KCNK12: variants seen among roughly 807,000 people sequenced by gnomAD.
KCNK12 encodes the protein potassium channel subfamily K member 12.
In KCNK12, 6 loss-of-function variants were observed where a neutral mutation model predicts 25.3. The ratio of observed to expected loss-of-function variants is 0.24; its 90% CI spans 0.13 to 0.47. KCNK12 has a LOEUF of 0.47. Among genes scored for constraint, KCNK12 ranks in the 20% least tolerant of loss-of-function variants. The probability of loss-of-function intolerance (pLI) is 0.99; values close to 1 mark genes in which losing one functional copy is unlikely to be tolerated. For synonymous variants in KCNK12, 331 were observed against 311.1 expected (o/e 1.06, Z -0.67); for missense variants, 444 against 661.7 (o/e 0.67, Z 3.61).
chr2:47,528,688 G>A lies in KCNK12; in HGVS notation c.392-6880C>T, dbSNP rs959566332. Among the ~76,000 whole-genome samples, 21 of 152,238 alleles carry A rather than the reference G, an allele frequency of 1.4e-4. No individual in the cohort carries two copies. The highest frequency in any genetic ancestry group is 1.9e-4 in the East Asian group (1 of 5,200). On this transcript the variant is annotated intron_variant, in intron 1 of 1. Transcript: ENST00000327876. The surrounding 1 kb of genome is among the most constrained non-coding windows in gnomAD (Gnocchi z 4.5). ...ATGCCACAATTGATCTGCCATCCCA[G>A]TTTGCAAAGAGCAGACACTTGGGGG...
rs1243884924 is a variant in KCNK12 at position 47,570,402 on chromosome 2, A to C, written c.-71T>G. On this transcript the variant is annotated 5_prime_UTR_variant, in exon 1 of 2. Coordinates refer to ENST00000327876, the MANE Select transcript of KCNK12 (RefSeq NM_022055.2). ...GCCACGACATCCCCCCGGCGGGAGC[A>C]GGAGCGTGAGGATGGTGGCCAGGGG... The C allele has an allele frequency of 1.7e-6, 2 of 1,203,430 alleles. No individual in the cohort carries two copies. The highest frequency in any genetic ancestry group is 3.2e-5 in the African/African-American group (2 of 62,642). 74.5% of individuals were successfully genotyped at this position (1,203,430 alleles called of 1,614,324 possible).
chr2:47,536,710 G>A (rs1669076311), intron 1 of KCNK12, among the ~76,000 whole-genome samples: 1 of 152,278 alleles, frequency 6.6e-6, no homozygotes, highest in African/African-American at 2.4e-5. Context: ...TATCAAAGAG[G>A]GCTAATTCTA....
intron 1 of KCNK12, among the ~76,000 whole-genome samples, chr2:47,539,786 T>G (rs1267683145): frequency 1.3e-5 from 2 of 152,164 alleles, no homozygotes; most frequent in Non-Finnish European, 2.9e-5. Flanking sequence ...GGGTGGCTGC[T>G]GTTAAAGCCG....
intron 1 of KCNK12, among the ~76,000 whole-genome samples, chr2:47,558,631 G>A (rs968625157): frequency 3.3e-5 from 5 of 152,212 alleles, no homozygotes; most frequent in African/African-American, 9.6e-5. Flanking sequence ...GCTCACACGA[G>A]GCGCTCAGAA....
rs1668858723 is a variant in KCNK12 at position 47,528,987 on chromosome 2, G to C, written c.392-7179C>G. ...ATGCAGGCAAGGAAATGGGCTGAGGGAGGGGAAGCATTCACTGAAGTTAGT... is the reference window on the plus strand; with the variant it reads ...ATGCAGGCAAGGAAATGGGCTGAGGCAGGGGAAGCATTCACTGAAGTTAGT... On this transcript the variant is annotated intron_variant, in intron 1 of 1. Transcript: ENST00000327876. This position sits in a 1 kb window ranked among gnomAD's most constrained non-coding sequence, Gnocchi z 4.5. 1 of 152,292 alleles carries C rather than the reference G, an allele frequency of 6.6e-6. No individual in the cohort carries two copies. The highest frequency in any genetic ancestry group is 2.1e-4 in the South Asian group (1 of 4,834). The allele number at this position is 152,292 out of a possible 1,614,324, so 9.4% of individuals were successfully genotyped here. A position where few individuals can be genotyped will look rare whatever the true frequency, so the allele number is the denominator to read the frequency against.
Position 47,557,262 on chromosome 2 carries a change from T to C in KCNK12, c.391+12679A>G, listed in dbSNP as rs549495567. 3.9e-5 allele frequency among the ~76,000 whole-genome samples: 6 copies of C among 152,254 alleles called. No homozygotes were observed. Among genetic ancestry groups the C allele is most frequent in the African/African-American group, 1.4e-4 (6 of 41,544 alleles). ...TTAATGTCATCATCACTGGAGTGGG[T>C]TGGTTATTGCGGGAGTGGGCTCCTG... is the stretch of plus-strand genomic sequence containing the variant. On this transcript the variant is annotated intron_variant, in intron 1 of 1. Transcript: ENST00000327876. This position sits in a 1 kb window ranked among gnomAD's most constrained non-coding sequence, Gnocchi z 4.9.
At chr2:47,542,349 A>G (rs1030445515) in intron 1 of KCNK12, among the ~76,000 whole-genome samples, 1 of 152,242 alleles carries the variant, frequency 6.6e-6, no homozygotes, top group Non-Finnish European at 1.5e-5. Flanking sequence ...GAGCCTTCGC[A>G]AACAAGTCAC....
In KCNK12 at chr2:47,570,968, G is replaced by A. The variant is rs1342211064; in HGVS notation, c.-637C>T. 6.6e-6 allele frequency: 1 copy of A among 152,240 alleles called. No homozygotes were observed. Among genetic ancestry groups the A allele is most frequent in the Non-Finnish European group, 1.5e-5 (1 of 68,092 alleles). 9.4% of individuals were successfully genotyped at this position (152,240 alleles called of 1,614,324 possible). ...GCTCCAGCCGAAGAGCCGCCCGGCA[G>A]GGAGAGGCGGAGTCACTGGCGCCCG... On this transcript the variant is annotated 5_prime_UTR_variant, in exon 1 of 2. Coordinates refer to ENST00000327876, the MANE Select transcript of KCNK12 (RefSeq NM_022055.2).
Position 47,515,410 on chromosome 2 carries a change from G to A in KCNK12, c.*5497C>T, listed in dbSNP as rs958495360. On this transcript the variant is annotated 3_prime_UTR_variant, in exon 2 of 2. Coordinates refer to ENST00000327876, the MANE Select transcript of KCNK12 (RefSeq NM_022055.2). ...TTACATCCTACTGCTTAAGGTCATCGCCAAAATCTGATTTTTTACACAAAA... is the reference window on the plus strand; with the variant it reads ...TTACATCCTACTGCTTAAGGTCATCACCAAAATCTGATTTTTTACACAAAA... Among the ~76,000 whole-genome samples the A allele has an allele frequency of 1.1e-4, 16 of 152,280 alleles. No homozygotes were observed. Among genetic ancestry groups the A allele is most frequent in the African/African-American group, 3.9e-4 (16 of 41,556 alleles).
chr2:47,530,244 C>T (rs573049472), intron 1 of KCNK12, among the ~76,000 whole-genome samples: 5 of 152,274 alleles, frequency 3.3e-5, no homozygotes, highest in African/African-American at 4.8e-5. Context: ...CAGCCTGCTC[C>T]GTGGCTGGAA....
In KCNK12 at chr2:47,562,702, T is replaced by G. The variant is rs1669705362; in HGVS notation, c.391+7239A>C. 8.6e-6 allele frequency: 2 copies of G among 233,156 alleles called. No individual in the cohort carries two copies. The highest frequency in any genetic ancestry group is 1.8e-4 in the South Asian group (1 of 5,532). The allele number at this position is 233,156 out of a possible 1,614,324, so 14.4% of individuals were successfully genotyped here. ...AGCCAAGGGGCTTCAGTACCCTTCT[T>G]CATTCTCTACCAGCACCTCCCCAAC... On this transcript the variant is annotated intron_variant, in intron 1 of 1. Coordinates refer to ENST00000327876, the MANE Select transcript of KCNK12 (RefSeq NM_022055.2). This position sits in a 1 kb window ranked among gnomAD's most constrained non-coding sequence, Gnocchi z 4.8.
intron 1 of KCNK12, among the ~76,000 whole-genome samples, chr2:47,531,614 C>G (rs1322171935): frequency 6.6e-6 from 1 of 152,140 alleles, no homozygotes; most frequent in Non-Finnish European, 1.5e-5. Flanking sequence ...CTGGTGAAGC[C>G]TGGCCCATAG....
intron 1 of KCNK12, among the ~76,000 whole-genome samples, chr2:47,522,497 G>A (rs1474123489): frequency 6.6e-6 from 1 of 152,038 alleles, no homozygotes; most frequent in Non-Finnish European, 1.5e-5. Flanking sequence ...TTCTTTTTTG[G>A]GGGGATAGGT....
At position 47,512,155 on chromosome 2, in the gene KCNK12, T is replaced by G; in HGVS notation, c.*8752A>C. The G allele has an allele frequency of 1.0e-6, 1 of 954,966 alleles. No homozygotes were observed. Among genetic ancestry groups the G allele is most frequent in the African/African-American group, 1.7e-5 (1 of 60,366 alleles). The allele number at this position is 954,966 out of a possible 1,614,324, so 59.2% of individuals were successfully genotyped here. On this transcript the variant is annotated 3_prime_UTR_variant, in exon 2 of 2. Transcript: ENST00000327876. ...TTCCATCCTGCATCCAGATGGCTGG[T>G]CCTGCTCCTCCCAGTCCATGGAGAA...
At chr2:47,526,507 T>C (rs892706312) in intron 1 of KCNK12, among the ~76,000 whole-genome samples, 2 of 151,196 alleles carry the variant, frequency 1.3e-5, no homozygotes, top group Middle Eastern at 3.2e-3. Context: ...CCAAGGTGGG[T>C]GCATCACTTG....
intron 1 of KCNK12, among the ~76,000 whole-genome samples, chr2:47,542,514 CCT>C (rs1193241183): frequency 6.6e-6 from 1 of 152,176 alleles, no homozygotes; most frequent in Non-Finnish European, 1.5e-5. Context: ...CTTCTTGCTC[CCT>C]TTCATGGGAG....
At chr2:47,549,386 T>A (rs1347192935) in intron 1 of KCNK12, among the ~76,000 whole-genome samples, 1 of 151,966 alleles carries the variant, frequency 6.6e-6, no homozygotes, top group Non-Finnish European at 1.5e-5. Flanking sequence ...CAATCAAGCA[T>A]CAACAATGTA....
intron 1 of KCNK12, among the ~76,000 whole-genome samples, chr2:47,568,869 T>C (rs966562567): frequency 6.6e-6 from 1 of 152,170 alleles, no homozygotes; most frequent in African/African-American, 2.4e-5. Flanking sequence ...CACACAGCCT[T>C]GTCAAGGTGA....
At chr2:47,559,504 T>A (rs1669620145) in intron 1 of KCNK12, among the ~76,000 whole-genome samples, 1 of 152,270 alleles carries the variant, frequency 6.6e-6, no homozygotes, top group Non-Finnish European at 1.5e-5. Flanking sequence ...CCAAGTATTA[T>A]GCTCCATGAT....
Sources: allele counts gnomAD v4.1 joint callset (sites outside exome capture counted in the v4.1 genomes callset), GRCh38; gene constraint gnomAD v4.1.1; non-coding constraint Gnocchi (gnomAD v3.1); transcripts MANE v1.5; gene names NCBI Gene and HGNC (gene_info 2026-07-23, HGNC 2026-07-21).